Variants in SHISA9 observed in about 807,000 individuals in gnomAD.
SHISA9 encodes the protein shisa family member 9, also known as protein shisa-9.
SHISA9 carries 13 observed loss-of-function variants against 38.0 expected under a neutral mutation model. That is an observed-to-expected ratio of 0.34 (90% CI 0.22 to 0.54). The LOEUF (loss-of-function observed/expected upper bound fraction) is 0.54. Among genes scored for constraint, SHISA9 ranks in the 20% least tolerant of loss-of-function variants. The pLI, the probability that SHISA9 is intolerant of heterozygous loss-of-function variation, is 0.91. For synonymous variants in SHISA9, 275 were observed against 242.0 expected, an observed-to-expected ratio of 1.14 and a Z score of -1.27; for missense variants, 538 against 575.8, an observed-to-expected ratio of 0.93 and a Z score of 0.67.
intron 1 of SHISA9, chr16:12,908,716 C>G (rs2071138943): frequency 4.1e-5 from 60 of 1,469,546 alleles, no homozygotes; most frequent in Non-Finnish European, 5.4e-5. Flanking sequence ...GTTCAAGAAG[C>G]TACCGTAAGA....
chr16:12,944,101 G>T lies in SHISA9; in HGVS notation c.691+27286G>T, dbSNP rs1474959265. ...CCACCCAGTTATGATAACCAAATATGTCTCTAGTCATTGTTGAGGGGTGAA... is the reference window on the plus strand; with the variant it reads ...CCACCCAGTTATGATAACCAAATATTTCTCTAGTCATTGTTGAGGGGTGAA... On this transcript the variant is annotated intron_variant, in intron 2 of 4. Coordinates refer to ENST00000558583, the MANE Select transcript of SHISA9 (RefSeq NM_001145204.3). Among the ~76,000 whole-genome samples the T allele has an allele frequency of 2.6e-5, 4 of 152,092 alleles. No homozygotes were observed. The East Asian group carries it at 7.7e-4, about 29-fold the overall frequency.
chr16:12,999,346 T>C (rs2072496320), intron 2 of SHISA9, among the ~76,000 whole-genome samples: 1 of 152,198 alleles, frequency 6.6e-6, no homozygotes, highest in South Asian at 2.1e-4. Context: ...GGACACCTTG[T>C]TTTACCTTGG....
At chr16:13,510,250 G>A in the SHISA9 span, among the ~76,000 whole-genome samples, 1 of 152,220 alleles carries the variant, frequency 6.6e-6, no homozygotes, top group African/African-American at 2.4e-5. Context: ...AGAGGTTTCA[G>A]TGAGCCGAGA....
chr16:13,396,224 C>T, the SHISA9 span, among the ~76,000 whole-genome samples: 32 of 152,218 alleles, frequency 2.1e-4, no homozygotes, highest in East Asian at 7.7e-4. Context: ...CTAAATCAAT[C>T]GGCCGGATGC....
intron 4 of SHISA9, among the ~76,000 whole-genome samples, chr16:13,217,216 T>C (rs1287200577): frequency 2.0e-5 from 3 of 151,928 alleles, no homozygotes; most frequent in Non-Finnish European, 4.4e-5. Context: ...AGGTGGAGCT[T>C]GCAGTGAGCA....
intron 2 of SHISA9, among the ~76,000 whole-genome samples, chr16:12,922,949 C>A (rs371434149): frequency 6.6e-6 from 1 of 152,118 alleles, no homozygotes; most frequent in Non-Finnish European, 1.5e-5. Flanking sequence ...ACCGCCCCTG[C>A]CCCACCAGGA....
chr16:13,049,813 GA>G (rs2073230089), intron 2 of SHISA9, among the ~76,000 whole-genome samples: 2 of 151,556 alleles, frequency 1.3e-5, no homozygotes, highest in Admixed American at 6.6e-5. Flanking sequence ...CTCACCTCCT[GA>G]AATGCTCAAA....
At chr16:13,501,043 C>CT in the SHISA9 span, among the ~76,000 whole-genome samples, 1 of 152,308 alleles carries the variant, frequency 6.6e-6, no homozygotes, top group African/African-American at 2.4e-5. Flanking sequence ...CTTTCATTGA[C>CT]AGTAGAGAGT....
chr16:13,160,234 T>C (rs533356818), intron 2 of SHISA9, among the ~76,000 whole-genome samples: 4 of 152,078 alleles, frequency 2.6e-5, no homozygotes, highest in African/African-American at 9.6e-5. Context: ...GATGAAGGAT[T>C]AACATGGATA....
At chr16:13,150,811 C>T (rs1447657833) in intron 2 of SHISA9, among the ~76,000 whole-genome samples, 1 of 152,196 alleles carries the variant, frequency 6.6e-6, no homozygotes, top group Non-Finnish European at 1.5e-5. Flanking sequence ...CAACCATGAC[C>T]ATGGAAGAAA....
chr16:12,927,724 A>G (rs1053327056), intron 2 of SHISA9, among the ~76,000 whole-genome samples: 2 of 152,070 alleles, frequency 1.3e-5, no homozygotes, highest in African/African-American at 4.8e-5. Context: ...TTACTTATGT[A>G]GATCCAAATC....
intron 2 of SHISA9, among the ~76,000 whole-genome samples, chr16:12,939,347 G>A: frequency 6.6e-6 from 1 of 152,228 alleles, no homozygotes; most frequent in East Asian, 1.9e-4. Flanking sequence ...GCCTCCCAAA[G>A]TGCTGGGATT....
the SHISA9 span, among the ~76,000 whole-genome samples, chr16:13,409,932 A>C: frequency 6.6e-6 from 1 of 152,176 alleles, no homozygotes; most frequent in Non-Finnish European, 1.5e-5. Context: ...CTCTGATCAT[A>C]GGCATGTTGT....
chr16:13,555,814 A>G, the SHISA9 span, among the ~76,000 whole-genome samples: 1 of 152,186 alleles, frequency 6.6e-6, no homozygotes, highest in Non-Finnish European at 1.5e-5. Context: ...TTGTATTTAC[A>G]GGTAAAATAA....
At chr16:13,503,587 C>G in the SHISA9 span, among the ~76,000 whole-genome samples, 1 of 151,788 alleles carries the variant, frequency 6.6e-6, no homozygotes, top group Admixed American at 6.6e-5. Context: ...CTGCAGATAT[C>G]TTAAGGCCCA....
chr16:13,258,722 A>G, the SHISA9 span, among the ~76,000 whole-genome samples: 1 of 152,170 alleles, frequency 6.6e-6, no homozygotes, highest in East Asian at 1.9e-4. Context: ...GAAGAAGCAA[A>G]AGCAGAAGCC....
At chr16:13,175,679 A>G (rs1182279058) in intron 2 of SHISA9, among the ~76,000 whole-genome samples, 1 of 152,236 alleles carries the variant, frequency 6.6e-6, no homozygotes, top group Non-Finnish European at 1.5e-5. Context: ...ATTTCTCTGC[A>G]TGGGCACGGT....
At chr16:13,547,970 A>G in the SHISA9 span, among the ~76,000 whole-genome samples, 1 of 152,212 alleles carries the variant, frequency 6.6e-6, no homozygotes, top group Non-Finnish European at 1.5e-5. Context: ...AAAATACATT[A>G]CAAGTCTATA....
rs1160794265 is a variant in SHISA9 at position 13,236,644 on chromosome 16, T to C, written c.*1235T>C. The C allele has an allele frequency of 6.6e-6, 1 of 152,292 alleles. No individual in the cohort carries two copies. The highest frequency in any genetic ancestry group is 1.5e-5 in the Non-Finnish European group (1 of 68,082). 9.4% of individuals were successfully genotyped at this position (152,292 alleles called of 1,614,324 possible). ...TTTTAGCCTTCCTTCCTCTTCTTTT[T>C]CTGCAGTAGTAGAAGATGTTTCCAT... On this transcript the variant is annotated 3_prime_UTR_variant, in exon 5 of 5. Transcript: ENST00000558583.
Sources: allele counts gnomAD v4.1 joint callset (sites outside exome capture counted in the v4.1 genomes callset), GRCh38; gene constraint gnomAD v4.1.1; transcripts MANE v1.5; gene names NCBI Gene and HGNC (gene_info 2026-07-23, HGNC 2026-07-21).